SLC44A5: variants seen among roughly 807,000 people sequenced by gnomAD.
The protein encoded by SLC44A5 is choline transporter-like protein 5.
SLC44A5 carries 57 observed loss-of-function variants against 101.8 expected under a neutral mutation model. The observed-to-expected ratio is 0.56, with a 90% confidence interval of 0.45 to 0.70. The LOEUF is 0.70. SLC44A5 is among the 30% of genes least tolerant of loss of function. The pLI is 0.00. For missense variants in SLC44A5, 737 were observed against 853.1 expected (o/e 0.86, Z 1.70); for synonymous variants, 281 against 290.9 (o/e 0.97, Z 0.35).
At chr1:75,713,131 G>A in the SLC44A5 span, among the ~76,000 whole-genome samples, 2 of 152,126 alleles carry the variant, frequency 1.3e-5, no homozygotes, top group Non-Finnish European at 2.9e-5. Context: ...GCATGCCAAT[G>A]TATTGAACCT....
the SLC44A5 span, among the ~76,000 whole-genome samples, chr1:75,653,686 A>G: frequency 6.6e-6 from 1 of 152,202 alleles, no homozygotes; most frequent in Non-Finnish European, 1.5e-5. Context: ...AGAACTCAGA[A>G]GGACTAATTC....
intron 2 of SLC44A5, among the ~76,000 whole-genome samples, chr1:75,428,044 G>A (rs1049525974): frequency 2.0e-4 from 31 of 152,170 alleles, no homozygotes; most frequent in African/African-American, 6.8e-4. Context: ...CTCGAGTACG[G>A]CAAGGAGGAA....
chr1:75,456,429 T>C (rs1173013176), intron 2 of SLC44A5, among the ~76,000 whole-genome samples: 3 of 152,214 alleles, frequency 2.0e-5, no homozygotes, highest in Admixed American at 2.0e-4. Flanking sequence ...GGATCACATT[T>C]GTACTCCAAA....
chr1:75,673,839 G>A, the SLC44A5 span, among the ~76,000 whole-genome samples: 1 of 152,172 alleles, frequency 6.6e-6, no homozygotes, highest in Non-Finnish European at 1.5e-5. Flanking sequence ...GAGTCTGCAA[G>A]AGCCATTGTT....
chr1:75,387,281 A>C (rs1661428763), intron 3 of SLC44A5, among the ~76,000 whole-genome samples: 2 of 150,846 alleles, frequency 1.3e-5, no homozygotes, highest in Admixed American at 6.6e-5. Context: ...GCAACCTACA[A>C]AATGGGAGAA....
At chr1:75,664,712 G>A in the SLC44A5 span, among the ~76,000 whole-genome samples, 3 of 152,080 alleles carry the variant, frequency 2.0e-5, no homozygotes, top group African/African-American at 7.2e-5. Context: ...ACAAGGTCAG[G>A]AGATCGAGAC....
At chr1:75,278,241 T>TTAC (rs1652095026) in intron 5 of SLC44A5, among the ~76,000 whole-genome samples, 1 of 137,626 alleles carries the variant, frequency 7.3e-6, no homozygotes. Context: ...ATAAAATATA[T>TTAC]TAAGTTATTA....
intron 13 of SLC44A5, among the ~76,000 whole-genome samples, chr1:75,226,725 A>AT (rs963504930): frequency 3.3e-5 from 5 of 151,452 alleles, no homozygotes; most frequent in Admixed American, 2.0e-4. Context: ...TATAAAGATG[A>AT]TTTTTTTTTA....
At chr1:75,426,396 A>T (rs1158466604) in intron 2 of SLC44A5, among the ~76,000 whole-genome samples, 1 of 152,190 alleles carries the variant, frequency 6.6e-6, no homozygotes, top group Non-Finnish European at 1.5e-5. Context: ...GTTTCCAAGC[A>T]CCAGTTCCAT....
At chr1:75,353,976 C>T in intron 3 of SLC44A5, 1 of 326,962 alleles carries the variant, frequency 3.1e-6, no homozygotes, top group Non-Finnish European at 6.0e-6. Flanking sequence ...TCTTCTTCCA[C>T]ATTGTATTCA....
chr1:75,527,270 TAGAAAGGGAGAAAGGG>T (rs200646721), intron 2 of SLC44A5, among the ~76,000 whole-genome samples: 2 of 125,350 alleles, frequency 1.6e-5, no homozygotes, highest in African/African-American at 6.2e-5. Context: ...GAGAGAAAGT[TAGAAAGGGAGAAAGGG>T]AGAAAGAGAG....
chr1:75,533,701 C>T (rs906583587), intron 2 of SLC44A5, among the ~76,000 whole-genome samples: 2 of 152,114 alleles, frequency 1.3e-5, no homozygotes, highest in African/African-American at 2.4e-5. Flanking sequence ...TCTGTAAAAA[C>T]TCTTTGTCTT....
chr1:75,415,562 C>CA (rs1295689189), intron 2 of SLC44A5, among the ~76,000 whole-genome samples: 6 of 152,118 alleles, frequency 3.9e-5, no homozygotes, highest in Non-Finnish European at 7.3e-5. Context: ...AAAAGATACC[C>CA]AAAAATGTGA....
intron 7 of SLC44A5, among the ~76,000 whole-genome samples, chr1:75,245,937 T>C (rs977689205): frequency 1.3e-5 from 2 of 152,132 alleles, no homozygotes; most frequent in Admixed American, 6.6e-5. Context: ...CTTTAAGTGC[T>C]TGTGACACAT....
chr1:75,625,505 G>A, the SLC44A5 span, among the ~76,000 whole-genome samples: 31,465 of 151,944 alleles, frequency 0.21, 3,747 homozygotes, highest in Middle Eastern at 0.37. Flanking sequence ...CATTGGTTTC[G>A]CAGGCCAAAA....
chr1:75,473,533 A>T (rs1667222844), intron 2 of SLC44A5, among the ~76,000 whole-genome samples: 1 of 152,068 alleles, frequency 6.6e-6, no homozygotes, highest in Non-Finnish European at 1.5e-5. Flanking sequence ...GGGGTACTTG[A>T]TTTGCGCTGT....
intron 2 of SLC44A5, among the ~76,000 whole-genome samples, chr1:75,526,129 A>G (rs1333426512): frequency 6.6e-6 from 1 of 152,140 alleles, no homozygotes; most frequent in East Asian, 1.9e-4. Flanking sequence ...ACACCACTTC[A>G]GGCCAGCTTT....
chr1:75,307,697 C>T (rs1395587606), intron 4 of SLC44A5, among the ~76,000 whole-genome samples: 1 of 152,092 alleles, frequency 6.6e-6, no homozygotes, highest in Non-Finnish European at 1.5e-5. Flanking sequence ...TTGTATCCAC[C>T]CCCTTGGTTC....
At chr1:75,299,169 C>A (rs1307820913) in intron 5 of SLC44A5, among the ~76,000 whole-genome samples, 1 of 152,148 alleles carries the variant, frequency 6.6e-6, no homozygotes, top group African/African-American at 2.4e-5. Flanking sequence ...CTAGAGATTA[C>A]ATATTGTACT....
Sources: gnomAD v4.1 joint callset for allele counts (sites outside exome capture counted in the v4.1 genomes callset) on GRCh38, gnomAD v4.1.1 for gene constraint, MANE v1.5 for transcripts, NCBI Gene and HGNC (gene_info 2026-07-23, HGNC 2026-07-21) for gene names.